The following INPP5A variants were observed in gnomAD, a reference collection of about 807,000 sequenced individuals.
INPP5A encodes the protein 43 kDa inositol polyphosphate 5-phophatase.
INPP5A carries 14 observed loss-of-function variants against 65.2 expected under a neutral mutation model. The ratio of observed to expected loss-of-function variants is 0.21; its 90% CI spans 0.14 to 0.34. The LOEUF (loss-of-function observed/expected upper bound fraction) is 0.34. Among genes scored for constraint, INPP5A ranks in the 10% least tolerant of loss-of-function variants. The pLI, the probability that INPP5A is intolerant of heterozygous loss-of-function variation, is 1.00. For missense variants in INPP5A, 431 were observed against 545.6 expected (o/e 0.79, Z 2.09); for synonymous variants, 207 against 208.3 (o/e 0.99, Z 0.05).
chr10:132,711,423 C>T (rs556572157), intron 8 of INPP5A, among the ~76,000 whole-genome samples: 1 of 152,336 alleles, frequency 6.6e-6, no homozygotes, highest in South Asian at 2.1e-4. Flanking sequence ...CCTTTCCCGC[C>T]AGCATCCCTG....
intron 1 of INPP5A, among the ~76,000 whole-genome samples, chr10:132,540,050 G>A (rs1012439797): frequency 4.6e-5 from 7 of 152,146 alleles, no homozygotes; most frequent in Non-Finnish European, 5.9e-5. Flanking sequence ...TATATTTGGC[G>A]TTCTATTCTA....
Position 132,566,495 on chromosome 10 carries a change from T to G in INPP5A, c.75+28324T>G, listed in dbSNP as rs902005962. Among the ~76,000 whole-genome samples the G allele has an allele frequency of 1.1e-3, 167 of 152,292 alleles. 3 individuals carry two copies. Among genetic ancestry groups the G allele is most frequent in the Non-Finnish European group, 6.6e-4 (45 of 68,036 alleles). ...GAAACCATCTCGGCTTAGGACCCAA[T>G]AGCAAATAAACTCGATCCAATGTGT... is the stretch of plus-strand genomic sequence containing the variant. On this transcript the variant is annotated intron_variant, in intron 1 of 15. Coordinates refer to ENST00000368594, the MANE Select transcript of INPP5A (RefSeq NM_005539.5).
At position 132,755,539 on chromosome 10, in the gene INPP5A, T is replaced by C. The variant is rs12249832; in HGVS notation, c.903+5694T>C. Among the ~76,000 whole-genome samples the C allele has an allele frequency of 3.8e-3, 553 of 144,136 alleles. 1 individual carries two copies. Among genetic ancestry groups the C allele is most frequent in the African/African-American group, 0.015 (515 of 35,478 alleles). The allele number at this position is 144,136 out of a possible 152,430, so 94.6% of individuals were successfully genotyped here. ...GTGAGCGAGTGTGTGAGCAGGCATA[T>C]GCATATGAGTGGGTGTGTGCATGAG... On this transcript the variant is annotated intron_variant, in intron 11 of 15. Coordinates refer to ENST00000368594, the MANE Select transcript of INPP5A (RefSeq NM_005539.5).
At chr10:132,609,737 C>T (rs1485326533) in intron 2 of INPP5A, among the ~76,000 whole-genome samples, 11 of 152,190 alleles carry the variant, frequency 7.2e-5, no homozygotes, top group South Asian at 6.2e-4. Context: ...CTCCACCTCC[C>T]GGGTTCACGC....
At chr10:132,729,087 G>T (rs927707633) in intron 9 of INPP5A, among the ~76,000 whole-genome samples, 1 of 152,110 alleles carries the variant, frequency 6.6e-6, no homozygotes, top group East Asian at 1.9e-4. Context: ...AGGCGTGGGG[G>T]GCCTGGACGC....
intron 4 of INPP5A, among the ~76,000 whole-genome samples, chr10:132,665,259 CTGGCTGACCCG>C (rs2072787694): frequency 6.6e-6 from 1 of 152,250 alleles, no homozygotes; most frequent in Non-Finnish European, 1.5e-5. Flanking sequence ...GCAGCGGCCA[CTGGCTGACCCG>C]TGGCCTTGAG....
At chr10:132,768,501 C>T (rs147837079) in intron 12 of INPP5A, among the ~76,000 whole-genome samples, 66 of 152,390 alleles carry the variant, frequency 4.3e-4, no homozygotes, top group African/African-American at 1.5e-3. Flanking sequence ...TTTCCCGCTG[C>T]GTCTGCCCTG....
At position 132,698,994 on chromosome 10, in the gene INPP5A, G is replaced by A. The variant is rs1051905802; in HGVS notation, c.474+1075G>A. Among the ~76,000 whole-genome samples the A allele has an allele frequency of 5.9e-5, 9 of 152,366 alleles. No homozygotes were observed. The highest frequency in any genetic ancestry group is 1.9e-4 in the East Asian group (1 of 5,184). On this transcript the variant is annotated intron_variant, in intron 6 of 15. Coordinates refer to ENST00000368594, the MANE Select transcript of INPP5A (RefSeq NM_005539.5). This position sits in a 1 kb window ranked among gnomAD's most constrained non-coding sequence, Gnocchi z 5.5. ...CATCCGTCTTCCCAAGGCCAAGGAC[G>A]CCGTGTCAGTGGGCCAGCCTCCTGT... is the stretch of plus-strand genomic sequence containing the variant.
Position 132,549,009 on chromosome 10 carries a change from T to C in INPP5A, c.75+10838T>C, listed in dbSNP as rs2071017663. On this transcript the variant is annotated intron_variant, in intron 1 of 15. Transcript: ENST00000368594. This position sits in a 1 kb window ranked among gnomAD's most constrained non-coding sequence, Gnocchi z 4.9. ...GGTCTCGCTATGTTGCCCAGGCTGG[T>C]CTCGAATTCCTGGCCTCAAGTGATC... Among the ~76,000 whole-genome samples, 1 of 152,068 alleles carries C rather than the reference T, an allele frequency of 6.6e-6. No homozygotes were observed.
chr10:132,720,480 G>A (rs1419078192), intron 8 of INPP5A, among the ~76,000 whole-genome samples: 1 of 148,656 alleles, frequency 6.7e-6, no homozygotes, highest in Non-Finnish European at 1.5e-5. Flanking sequence ...CCTGGGTTCT[G>A]TCTGGGTGCC....
rs1350495989 is a variant in INPP5A at position 132,550,727 on chromosome 10, C to T, written c.75+12556C>T. ...AAGTGGAAACACTAGTTTGGTCCCG[C>T]CTGACCTCATGGAAGACGGTGGAGG... On this transcript the variant is annotated intron_variant, in intron 1 of 15. Transcript: ENST00000368594. This position sits in a 1 kb window ranked among gnomAD's most constrained non-coding sequence, Gnocchi z 4.2. 6.6e-6 allele frequency among the ~76,000 whole-genome samples: 1 copy of T among 152,234 alleles called. No homozygotes were observed. The highest frequency in any genetic ancestry group is 1.5e-5 in the Non-Finnish European group (1 of 68,042).
Position 132,666,640 on chromosome 10 carries a change from G to T in INPP5A, c.306+16135G>T, listed in dbSNP as rs145790711. ...GGAATTGTCTGGGAAAACCCTGAAG[G>T]ATGGCCCACACCGAGCCGAAACATC... is the stretch of plus-strand genomic sequence containing the variant. On this transcript the variant is annotated intron_variant, in intron 4 of 15. Transcript: ENST00000368594. 2.7e-3 allele frequency among the ~76,000 whole-genome samples: 413 copies of T among 152,308 alleles called. 4 individuals are homozygous for T. Among genetic ancestry groups the T allele is most frequent in the African/African-American group, 9.6e-3 (398 of 41,554 alleles).
rs141732105 is a variant in INPP5A at position 132,753,592 on chromosome 10, A to T, written c.903+3747A>T. On this transcript the variant is annotated intron_variant, in intron 11 of 15. Coordinates refer to ENST00000368594, the MANE Select transcript of INPP5A (RefSeq NM_005539.5). This position sits in a 1 kb window ranked among gnomAD's most constrained non-coding sequence, Gnocchi z 5.3. ...ATAATTAATTATAAGTGTAGCTGTCAGGGCTGCAGGATGGAGTGCCCTGGT... is the reference window on the plus strand; with the variant it reads ...ATAATTAATTATAAGTGTAGCTGTCTGGGCTGCAGGATGGAGTGCCCTGGT... Among the ~76,000 whole-genome samples, 2 of 152,352 alleles carry T rather than the reference A, an allele frequency of 1.3e-5. No homozygotes were observed. The highest frequency in any genetic ancestry group is 4.8e-5 in the African/African-American group (2 of 41,584).
chr10:132,658,935 G>A (rs148206437), intron 4 of INPP5A, among the ~76,000 whole-genome samples: 1,904 of 152,208 alleles, frequency 0.013, 99 homozygotes, highest in Admixed American at 0.089. Context: ...GATAGGTGCC[G>A]CCAGCATCTG....
chr10:132,625,556 G>A (rs550955913), intron 2 of INPP5A, among the ~76,000 whole-genome samples: 14 of 152,274 alleles, frequency 9.2e-5, no homozygotes, highest in African/African-American at 3.4e-4. Flanking sequence ...GAGGCACAGG[G>A]GTCTCAGACT....
chr10:132,744,161 T>C (rs1846326874), intron 9 of INPP5A, among the ~76,000 whole-genome samples: 1 of 152,256 alleles, frequency 6.6e-6, no homozygotes, highest in Non-Finnish European at 1.5e-5. Context: ...CTGGGAGTCG[T>C]AGCCTCAAGG....
At chr10:132,660,906 T>A (rs187667735) in intron 4 of INPP5A, among the ~76,000 whole-genome samples, 121 of 152,324 alleles carry the variant, frequency 7.9e-4, no homozygotes, top group Admixed American at 2.3e-3. Flanking sequence ...GGTGCACATT[T>A]ATTTTTTTGA....
At position 132,642,807 on chromosome 10, in the gene INPP5A, TG is replaced by T. The variant is rs1204961695; in HGVS notation, c.118-3057del. ...GTCCATGTGGAGGGGCGGCCGCACGTGGGGATAAAGACCTGCCGATGAAGCG... is the reference window on the plus strand; with the variant it reads ...GTCCATGTGGAGGGGCGGCCGCACGTGGGATAAAGACCTGCCGATGAAGCG... On this transcript the variant is annotated intron_variant, in intron 2 of 15. Transcript: ENST00000368594. Among the ~76,000 whole-genome samples, 9 of 152,232 alleles carry T rather than the reference TG, an allele frequency of 5.9e-5. No individual in the cohort carries two copies. The East Asian group carries it at 9.6e-4, about 16-fold the overall frequency.
chr10:132,600,761 G>A (rs2071765597), intron 1 of INPP5A, among the ~76,000 whole-genome samples: 1 of 152,176 alleles, frequency 6.6e-6, no homozygotes, highest in Non-Finnish European at 1.5e-5. Context: ...GAGACAAAAG[G>A]CACTTCTTAC....
Sources: gnomAD v4.1 joint callset for allele counts (sites outside exome capture counted in the v4.1 genomes callset) on GRCh38, gnomAD v4.1.1 for gene constraint, Gnocchi (gnomAD v3.1) non-coding constraint, MANE v1.5 for transcripts, NCBI Gene and HGNC (gene_info 2026-07-23, HGNC 2026-07-21) for gene names.